Variants in MPV17 observed in about 807,000 individuals in gnomAD.
MPV17 encodes MPV17, mitochondrial inner membrane protein.
Under a neutral mutation model 28.6 loss-of-function variants are expected in MPV17, and 31 were observed. That is an observed-to-expected ratio of 1.08 (90% CI 0.81 to 1.46). The LOEUF (loss-of-function observed/expected upper bound fraction) is 1.46. Among genes scored for constraint, MPV17 ranks in the 40% most tolerant of loss-of-function variants. The probability of loss-of-function intolerance (pLI) is 0.00; values close to 1 mark genes in which losing one functional copy is unlikely to be tolerated. For synonymous variants in MPV17, 87 were observed against 85.3 expected, an observed-to-expected ratio of 1.02 and a Z score of -0.11; for missense variants, 198 against 216.2, an observed-to-expected ratio of 0.92 and a Z score of 0.53.
In MPV17 at chr2:27,317,398, C is replaced by T. The variant is rs895843994; in HGVS notation, c.71-4289G>A. 1.3e-5 allele frequency among the ~76,000 whole-genome samples: 2 copies of T among 152,172 alleles called. No homozygotes were observed. The highest frequency in any genetic ancestry group is 2.1e-4 in the South Asian group (1 of 4,834). On this transcript the variant is annotated intron_variant, in intron 2 of 7. Coordinates refer to ENST00000380044, the MANE Select transcript of MPV17 (RefSeq NM_002437.5). This position sits in a 1 kb window ranked among gnomAD's most constrained non-coding sequence, Gnocchi z 4.0. ...CCTACTGCTAGAAAATGAGACAAAA[C>T]GGGTAGTTTTGCAGCTTGTTACGTA... is the stretch of plus-strand genomic sequence containing the variant.
intron 7 of MPV17, 56 bp from the exon 8 acceptor site, chr2:27,310,037 CT>C (rs1399939932): frequency 3.7e-6 from 5 of 1,358,412 alleles, no homozygotes; most frequent in African/African-American, 1.4e-5. Flanking sequence ...TGAGCAAGGG[CT>C]GGAGATGGGA....
At chr2:27,318,546 C>T (rs1011257846) in intron 2 of MPV17, among the ~76,000 whole-genome samples, 20 of 150,896 alleles carry the variant, frequency 1.3e-4, no homozygotes, top group African/African-American at 4.4e-4. Context: ...TTAGTAGAGA[C>T]GGGACTTCAC....
intron 2 of MPV17, among the ~76,000 whole-genome samples, chr2:27,318,518 C>T (rs1053820524): frequency 1.3e-5 from 2 of 151,810 alleles, no homozygotes; most frequent in Admixed American, 6.6e-5. Context: ...CCACCATGCC[C>T]GGCTAATTTT....
chr2:27,310,825 A>G (rs1248580173), intron 7 of MPV17, among the ~76,000 whole-genome samples: 1 of 151,752 alleles, frequency 6.6e-6, no homozygotes, highest in African/African-American at 2.4e-5. Flanking sequence ...GCTCACTGCA[A>G]CCTCCGCCTC....
In MPV17 at chr2:27,311,792, T is replaced by TCC. The variant is rs1679448631; in HGVS notation, c.461+105_461+106dup. On this transcript the variant is annotated intron_variant, in intron 7 of 7. Coordinates refer to ENST00000380044, the MANE Select transcript of MPV17 (RefSeq NM_002437.5). ...AGGAACTCTGATCACGGCTCAGTGT[T>TCC]CCGTTTGGGGGTCTAAGGTAGCTCA... 9 of 1,570,192 alleles carry TCC rather than the reference T, an allele frequency of 5.7e-6. No homozygotes were observed. The South Asian group carries it at 7.0e-5, about 12-fold the overall frequency.
chr2:27,314,163 A>C (rs1383238607), intron 2 of MPV17, among the ~76,000 whole-genome samples: 1 of 152,074 alleles, frequency 6.6e-6, no homozygotes, highest in Non-Finnish European at 1.5e-5. Context: ...CACTTCTACA[A>C]AAAATTTTTT....
chr2:27,317,255 C>T lies in MPV17; in HGVS notation c.71-4146G>A. 1 of 1,529,610 alleles carries T rather than the reference C, an allele frequency of 6.5e-7. No homozygotes were observed. The highest frequency in any genetic ancestry group is 2.5e-5 in the East Asian group (1 of 40,336). The allele number at this position is 1,529,610 out of a possible 1,614,324, so 94.8% of individuals were successfully genotyped here. Reference sequence around the variant, plus strand: ...GAAGTCTGCAAACATTAGTTAGCTGCCTAGGATAGGGGCTCAGTCTGGCAC... The same window carrying T: ...GAAGTCTGCAAACATTAGTTAGCTGTCTAGGATAGGGGCTCAGTCTGGCAC... On this transcript the variant is annotated intron_variant, in intron 2 of 7. Transcript: ENST00000380044. The surrounding 1 kb of genome is among the most constrained non-coding windows in gnomAD (Gnocchi z 4.0).
chr2:27,311,156 C>CG (rs1679425890), intron 7 of MPV17: 1 of 150,598 alleles, frequency 6.6e-6, no homozygotes, highest in South Asian at 2.0e-4. Context: ...CTCACAGGCT[C>CG]AAGTGATCCT....
intron 7 of MPV17, chr2:27,311,694 G>A: frequency 6.4e-7 from 1 of 1,551,176 alleles, no homozygotes; most frequent in Non-Finnish European, 8.7e-7. Flanking sequence ...AGATGAAGAA[G>A]GTCAGTGGGC....
intron 5 of MPV17, 90 bp downstream of exon 5, chr2:27,312,404 A>G (rs1313931783): frequency 6.1e-6 from 9 of 1,479,356 alleles, no homozygotes; most frequent in Non-Finnish European, 8.5e-6. Context: ...ACCTGCACTT[A>G]CCCCCTTTTT....
Position 27,311,933 on chromosome 2 carries a change from A to G in MPV17, c.427T>C (p.Leu143=). ...TNYYLWPAVQ[L]ANFYLVPLHY... ...AGGGGGACCAGGTAGAAGTTGGCTAACTGCACAGCAGGCCATAGCTGCAAG... is the reference window on the plus strand; with the variant it reads ...AGGGGGACCAGGTAGAAGTTGGCTAGCTGCACAGCAGGCCATAGCTGCAAG... The change falls in exon 7 of 8, where the codon TTA becomes CTA. Residue 143 remains leucine (L), a synonymous_variant. Coordinates refer to ENST00000380044, the MANE Select transcript of MPV17 (RefSeq NM_002437.5). The G allele has an allele frequency of 6.2e-7, 1 of 1,613,780 alleles. No homozygotes were observed. The highest frequency in any genetic ancestry group is 8.5e-7 in the Non-Finnish European group (1 of 1,180,012).
intron 2 of MPV17, 105 bp from the exon 3 acceptor site, chr2:27,313,214 A>C: frequency 6.3e-7 from 1 of 1,581,824 alleles, no homozygotes. Flanking sequence ...GGTACTCTGA[A>C]CCCCAGGGCT....
chr2:27,320,667 C>A (rs1679825392), intron 2 of MPV17, among the ~76,000 whole-genome samples: 1 of 152,172 alleles, frequency 6.6e-6, no homozygotes. Flanking sequence ...GAAACTAAGG[C>A]TCAAAGAAGC....
Position 27,309,637 on chromosome 2 carries a change from T to A in MPV17, c.*275A>T. 1 of 596,032 alleles carries A rather than the reference T, an allele frequency of 1.7e-6. No homozygotes were observed. Among genetic ancestry groups the A allele is most frequent in the Non-Finnish European group, 3.0e-6 (1 of 333,522 alleles). 36.9% of individuals were successfully genotyped at this position (596,032 alleles called of 1,614,324 possible). A position where few individuals can be genotyped will look rare whatever the true frequency, so the allele number is the denominator to read the frequency against. ...AAGAGTGGGGATGAGTGGCATTTGC[T>A]GGGATATGGGTGTAAAGTTGATAAG... On this transcript the variant is annotated 3_prime_UTR_variant, in exon 8 of 8. Transcript: ENST00000380044.
intron 7 of MPV17, 51 bp downstream of exon 7, chr2:27,311,848 C>T: frequency 7.5e-6 from 12 of 1,604,974 alleles, no homozygotes; most frequent in Non-Finnish European, 9.4e-6. Flanking sequence ...TTGTCTCCAA[C>T]TGTTGGTAAC....
At chr2:27,313,567 G>A (rs1355254208) in intron 2 of MPV17, among the ~76,000 whole-genome samples, 2 of 152,328 alleles carry the variant, frequency 1.3e-5, no homozygotes, top group South Asian at 2.1e-4. Context: ...TGGATTCCTA[G>A]ACACTGTTCT....
In MPV17 at chr2:27,320,589, G is replaced by A. The variant is rs913779384; in HGVS notation, c.70+1859C>T. Among the ~76,000 whole-genome samples, 7 of 151,948 alleles carry A rather than the reference G, an allele frequency of 4.6e-5. No homozygotes were observed. In the East Asian group the frequency reaches 7.8e-4, roughly 17 times the overall value. On this transcript the variant is annotated intron_variant, in intron 2 of 7. Transcript: ENST00000380044. ...GACCTCGTGATCTGCCCACCTCGGC[G>A]TCCCAAAGTGCTGGGATTACAGGTG...
intron 7 of MPV17, 133 bp from the exon 8 acceptor site, chr2:27,310,114 C>T (rs1325828641): frequency 2.6e-6 from 2 of 759,046 alleles, no homozygotes; most frequent in African/African-American, 3.4e-5. Context: ...TCCTTCAGCA[C>T]CTTTTTTTTG....
At chr2:27,319,861 G>C (rs957546774) in intron 2 of MPV17, among the ~76,000 whole-genome samples, 8 of 151,148 alleles carry the variant, frequency 5.3e-5, no homozygotes, top group African/African-American at 2.0e-4. Context: ...AGGAGGCGGA[G>C]GTTGCAGTGA....
Sources: allele counts gnomAD v4.1 joint callset (sites outside exome capture counted in the v4.1 genomes callset), GRCh38; gene constraint gnomAD v4.1.1; non-coding constraint Gnocchi (gnomAD v3.1); transcripts MANE v1.5; gene names NCBI Gene and HGNC (gene_info 2026-07-23, HGNC 2026-07-21).